The following NCOA7 variants were observed in gnomAD, a reference collection of about 807,000 sequenced individuals.
The protein encoded by NCOA7 is nuclear receptor coactivator 7, also known as 140 kDa estrogen receptor-associated protein.
In NCOA7, 45 loss-of-function variants were observed where a neutral mutation model predicts 104.3. The observed-to-expected ratio is 0.43, with a 90% confidence interval of 0.34 to 0.55. The LOEUF (loss-of-function observed/expected upper bound fraction) is 0.55. NCOA7 is among the 20% of genes least tolerant of loss of function. The probability of loss-of-function intolerance (pLI) is 0.02; values close to 1 mark genes in which losing one functional copy is unlikely to be tolerated. For synonymous variants in NCOA7, 398 were observed against 402.3 expected, an observed-to-expected ratio of 0.99 and a Z score of 0.13; for missense variants, 1,041 against 1,119.7, an observed-to-expected ratio of 0.93 and a Z score of 1.00.
At chr6:125,806,272 G>A (rs967090864) in intron 1 of NCOA7, among the ~76,000 whole-genome samples, 3 of 152,030 alleles carry the variant, frequency 2.0e-5, no homozygotes, top group Admixed American at 1.3e-4. Flanking sequence ...ACCCAGGAGG[G>A]GGGGATTACC....
In NCOA7 at chr6:125,827,656, T is replaced by G. The variant is rs1291731743; in HGVS notation, c.50+12252T>G. Among the ~76,000 whole-genome samples the G allele has an allele frequency of 1.3e-5, 2 of 152,166 alleles. 1 individual carries two copies. The highest frequency in any genetic ancestry group is 2.9e-5 in the Non-Finnish European group (2 of 68,028). On this transcript the variant is annotated intron_variant, in intron 2 of 15. Transcript: ENST00000392477. The stretch of plus-strand genomic sequence containing the variant: ...ACAAGCAGGAGTTCACCAGGTAATC[T>G]GTGTGTTTAGGAGAAGGGCTAGGGA...
chr6:125,805,485 C>T (rs1776362366), intron 1 of NCOA7, among the ~76,000 whole-genome samples: 1 of 152,116 alleles, frequency 6.6e-6, no homozygotes, highest in Non-Finnish European at 1.5e-5. Context: ...CCCTTACAGG[C>T]CATTATTAGT....
chr6:125,850,892 A>G (rs565106512), intron 2 of NCOA7, among the ~76,000 whole-genome samples: 2 of 152,308 alleles, frequency 1.3e-5, no homozygotes, highest in African/African-American at 4.8e-5. Flanking sequence ...ATTGCTGCAG[A>G]ATAATTTGAG....
At chr6:125,868,126 A>AT (rs1366073620) in intron 3 of NCOA7, among the ~76,000 whole-genome samples, 14 of 152,124 alleles carry the variant, frequency 9.2e-5, no homozygotes, top group African/African-American at 3.4e-4. Context: ...AACAGTTGGA[A>AT]TTTTTTTGTT....
At chr6:125,806,712 C>T (rs1393055965) in intron 1 of NCOA7, among the ~76,000 whole-genome samples, 1 of 152,118 alleles carries the variant, frequency 6.6e-6, no homozygotes. Flanking sequence ...GACCCTTGTA[C>T]TTGGGAATTT....
chr6:125,837,132 C>G (rs1378057223), intron 2 of NCOA7, among the ~76,000 whole-genome samples: 1 of 152,090 alleles, frequency 6.6e-6, no homozygotes, highest in African/African-American at 2.4e-5. Context: ...AGAAATTAGC[C>G]TAAAAGTCTA....
chr6:125,890,063 T>C, intron 9 of NCOA7, 82 bp downstream of exon 9: 1 of 1,025,514 alleles, frequency 9.8e-7, no homozygotes, highest in East Asian at 2.6e-5. Context: ...CCCACATTAG[T>C]ACATTTATTT....
At position 125,889,842 on chromosome 6, in the gene NCOA7, T is replaced by C; in HGVS notation, c.1788T>C (p.Ser596=). Reference sequence around the variant, plus strand: ...CCCTCCCGGTAAAACTGAACTCTTCTACAGAAGCAAATGTGATTAAAGAGG... The same window carrying C: ...CCCTCCCGGTAAAACTGAACTCTTCCACAGAAGCAAATGTGATTAAAGAGG... The part of the protein sequence containing the change: ...GEPLPVKLNS[S]TEANVIKEAL... The change falls in exon 9 of 16, where the codon TCT becomes TCC. Residue 596 remains serine, a synonymous_variant. Transcript: ENST00000392477. The C allele has an allele frequency of 6.2e-7, 1 of 1,613,826 alleles. No homozygotes were observed. The highest frequency in any genetic ancestry group is 8.5e-7 in the Non-Finnish European group (1 of 1,179,924).
chr6:125,907,797 A>G (rs976639179), intron 10 of NCOA7, among the ~76,000 whole-genome samples: 2 of 152,184 alleles, frequency 1.3e-5, no homozygotes, highest in Non-Finnish European at 2.9e-5. Context: ...TACATGCCTC[A>G]TAGAGTTACT....
Position 125,930,406 on chromosome 6 carries a change from T to G in NCOA7, c.*1635T>G, listed in dbSNP as rs1001233113. ...TAAAGACTTACTTAACCAATATTAT[T>G]GATTACCAGACTTTTATGAAAGCCA... On this transcript the variant is annotated 3_prime_UTR_variant, in exon 16 of 16. Coordinates refer to ENST00000392477, the MANE Select transcript of NCOA7 (RefSeq NM_181782.5). 10 of 152,596 alleles carry G rather than the reference T, an allele frequency of 6.6e-5. No individual in the cohort carries two copies. Among genetic ancestry groups the G allele is most frequent in the African/African-American group, 2.4e-4 (10 of 41,440 alleles). The allele number at this position is 152,596 out of a possible 1,614,324, so 9.5% of individuals were successfully genotyped here. A position where few individuals can be genotyped will look rare whatever the true frequency, so the allele number is the denominator to read the frequency against.
chr6:125,790,522 C>T (rs1774727668), upstream of NCOA7, among the ~76,000 whole-genome samples: 1 of 152,120 alleles, frequency 6.6e-6, no homozygotes. Context: ...GCAGCGGAGG[C>T]TGCAGCAGCC....
rs370615265 is a variant in NCOA7 at position 125,882,410 on chromosome 6, T to G, written c.574-16T>G. On this transcript the variant is annotated splice_polypyrimidine_tract_variant and intron_variant, in intron 6 of 15. Coordinates refer to ENST00000392477, the MANE Select transcript of NCOA7 (RefSeq NM_181782.5). ...AAGTGCTTTTATTTGATTTTGAAAT[T>G]TTTTGCTTTCACAAGGATGCTGACT... is the stretch of plus-strand genomic sequence containing the variant. The G allele has an allele frequency of 1.2e-6, 2 of 1,609,020 alleles. No individual in the cohort carries two copies. Among genetic ancestry groups the G allele is most frequent in the East Asian group, 2.2e-5 (1 of 44,784 alleles).
intron 2 of NCOA7, among the ~76,000 whole-genome samples, chr6:125,825,028 T>C (rs1778545898): frequency 6.6e-6 from 1 of 152,024 alleles, no homozygotes; most frequent in Admixed American, 6.6e-5. Context: ...AAGAGGGAAC[T>C]CCATCTCAAA....
chr6:125,801,699 C>T (rs968858704), intron 1 of NCOA7, among the ~76,000 whole-genome samples: 6 of 152,120 alleles, frequency 3.9e-5, no homozygotes, highest in Admixed American at 1.3e-4. Context: ...TAGCTTGCAG[C>T]GGTATAGCTC....
chr6:125,866,504 A>G (rs1361312916), intron 3 of NCOA7, among the ~76,000 whole-genome samples: 1 of 152,130 alleles, frequency 6.6e-6, no homozygotes, highest in African/African-American at 2.4e-5. Context: ...CACATTGCAA[A>G]GTGCTTTTTC....
intron 10 of NCOA7, among the ~76,000 whole-genome samples, chr6:125,913,470 G>A (rs926171121): frequency 6.6e-6 from 1 of 152,206 alleles, no homozygotes; most frequent in Admixed American, 6.5e-5. Flanking sequence ...CATCAAGGCT[G>A]CTGTTTGACC....
At position 125,856,217 on chromosome 6, in the gene NCOA7, A is replaced by G. The variant is rs192635333; in HGVS notation, c.271+977A>G. Among the ~76,000 whole-genome samples, 13 of 152,224 alleles carry G rather than the reference A, an allele frequency of 8.5e-5. No individual in the cohort carries two copies. In the East Asian group the frequency reaches 2.5e-3, roughly 30 times the overall value. Reference sequence around the variant, plus strand: ...AAAACTGAGAGCAGTGTCTGAGAACATACTGCAAATACGGTAAATGAAATG... The same window carrying G: ...AAAACTGAGAGCAGTGTCTGAGAACGTACTGCAAATACGGTAAATGAAATG... On this transcript the variant is annotated intron_variant, in intron 3 of 15. Coordinates refer to ENST00000392477, the MANE Select transcript of NCOA7 (RefSeq NM_181782.5).
chr6:125,927,654 T>C lies in NCOA7; in HGVS notation c.2524-9T>C. The C allele has an allele frequency of 6.2e-7, 1 of 1,610,840 alleles. No individual in the cohort carries two copies. The highest frequency in any genetic ancestry group is 8.5e-7 in the Non-Finnish European group (1 of 1,176,942). ...GAATGTAGGTAACATTTCTGTTTTC[T>C]TTTGACAGATTTTTGGAGCATATGC... On this transcript the variant is annotated splice_polypyrimidine_tract_variant and intron_variant, in intron 13 of 15. Coordinates refer to ENST00000392477, the MANE Select transcript of NCOA7 (RefSeq NM_181782.5).
intron 1 of NCOA7, among the ~76,000 whole-genome samples, chr6:125,804,327 G>A (rs896669974): frequency 6.6e-6 from 1 of 152,156 alleles, no homozygotes; most frequent in African/African-American, 2.4e-5. Flanking sequence ...ATTTGTCTTA[G>A]AGATGATCTG....
Sources: allele counts gnomAD v4.1 joint callset (sites outside exome capture counted in the v4.1 genomes callset), GRCh38; gene constraint gnomAD v4.1.1; transcripts MANE v1.5; gene names NCBI Gene and HGNC (gene_info 2026-07-23, HGNC 2026-07-21).